The following ERG variants were observed in gnomAD, a reference collection of about 807,000 sequenced individuals.
The protein encoded by ERG is transcriptional regulator ERG.
ERG carries 9 observed loss-of-function variants against 55.3 expected under a neutral mutation model. The ratio of observed to expected loss-of-function variants is 0.16; its 90% CI spans 0.10 to 0.28. ERG has a LOEUF of 0.28. ERG is among the 10% of genes least tolerant of loss of function. ERG has a pLI of 1.00. For missense variants in ERG, 434 were observed against 631.6 expected (o/e 0.69, Z 3.35); for synonymous variants, 223 against 237.3 (o/e 0.94, Z 0.55).
intron 1 of ERG, among the ~76,000 whole-genome samples, chr21:38,459,029 T>A (rs959003264): frequency 6.6e-6 from 1 of 152,166 alleles, no homozygotes; most frequent in African/African-American, 2.4e-5. Flanking sequence ...GGTTGACAAT[T>A]CCATCCCCCA....
At chr21:38,616,648 A>C (rs1470934100) in intron 1 of ERG, among the ~76,000 whole-genome samples, 1 of 151,978 alleles carries the variant, frequency 6.6e-6, no homozygotes, top group Non-Finnish European at 1.5e-5. Context: ...ATTGGATTGG[A>C]TTGGACAAGG....
chr21:38,606,593 A>T (rs2146920742), intron 1 of ERG, among the ~76,000 whole-genome samples: 1 of 152,328 alleles, frequency 6.6e-6, no homozygotes, highest in Non-Finnish European at 1.5e-5. Context: ...AGATCAAACA[A>T]AAGCATCTAT....
intron 2 of ERG, among the ~76,000 whole-genome samples, chr21:38,537,808 C>T (rs192094686): frequency 2.6e-3 from 390 of 152,232 alleles, no homozygotes; most frequent in Non-Finnish European, 3.6e-3. Flanking sequence ...TCACCAATTC[C>T]GCATGAAGAT....
intron 1 of ERG, among the ~76,000 whole-genome samples, chr21:38,659,099 A>G (rs1162241734): frequency 3.9e-5 from 6 of 152,230 alleles, no homozygotes; most frequent in Admixed American, 2.0e-4. Flanking sequence ...ATTCCTTAAC[A>G]AATATCTTGA....
chr21:38,414,563 A>G (rs1320195256), intron 3 of ERG, among the ~76,000 whole-genome samples: 9 of 152,204 alleles, frequency 5.9e-5, no homozygotes. Flanking sequence ...ATATTGCTAT[A>G]TTTAATCCAT....
chr21:38,550,207 C>T (rs1000984368), intron 2 of ERG, among the ~76,000 whole-genome samples: 1 of 152,112 alleles, frequency 6.6e-6, no homozygotes, highest in Non-Finnish European at 1.5e-5. Flanking sequence ...CCTCCTGGGA[C>T]AGGTAACAGG....
chr21:38,636,893 A>G (rs1397263546), intron 1 of ERG, among the ~76,000 whole-genome samples: 1 of 152,208 alleles, frequency 6.6e-6, no homozygotes, highest in African/African-American at 2.4e-5. Flanking sequence ...TAGGTAATAC[A>G]ACAAACTGTC....
At chr21:38,425,467 A>C (rs571280428) in intron 2 of ERG, among the ~76,000 whole-genome samples, 1 of 152,322 alleles carries the variant, frequency 6.6e-6, no homozygotes, top group African/African-American at 2.4e-5. Flanking sequence ...GCTTAAGCAG[A>C]AAACAGAAAA....
At chr21:38,479,772 G>A (rs1204433521) in intron 1 of ERG, among the ~76,000 whole-genome samples, 2 of 152,148 alleles carry the variant, frequency 1.3e-5, no homozygotes, top group African/African-American at 2.4e-5. Context: ...ATCCACTGTG[G>A]TCATCAGTTT....
At chr21:38,606,428 A>G (rs1206145670) in intron 1 of ERG, among the ~76,000 whole-genome samples, 2 of 152,216 alleles carry the variant, frequency 1.3e-5, no homozygotes, top group Admixed American at 6.5e-5. Flanking sequence ...CTTACATTAT[A>G]GAGAATTCAC....
At chr21:38,510,157 A>C (rs986584900) in intron 2 of ERG, among the ~76,000 whole-genome samples, 1 of 152,246 alleles carries the variant, frequency 6.6e-6, no homozygotes, top group Non-Finnish European at 1.5e-5. Context: ...CTCCCCAAAC[A>C]TCTAAAAAGC....
At position 38,383,988 on chromosome 21, in the gene ERG, T is replaced by C. The variant is rs139826205; in HGVS notation, c.920-65A>G. On this transcript the variant is annotated intron_variant, in intron 9 of 9. Coordinates refer to ENST00000288319, the MANE Select transcript of ERG (RefSeq NM_182918.4). This position sits in a 1 kb window ranked among gnomAD's most constrained non-coding sequence, Gnocchi z 5.7. ...CAGGTTCCAGGGGAAAGAGGCTCTC[T>C]GTGATGACGGAAGGAGGTGCTATTG... 1,048 of 1,543,178 alleles carry C rather than the reference T, an allele frequency of 6.8e-4. 2 individuals are homozygous for C. Among genetic ancestry groups the C allele is most frequent in the South Asian group, 8.3e-4 (67 of 80,756 alleles).
chr21:38,468,982 CAAAAAAAAAAAAAAAAA>C lies in ERG; in HGVS notation c.19-23378_19-23362del, dbSNP rs1261630693. Among the ~76,000 whole-genome samples, 3 of 29,044 alleles carry C rather than the reference CAAAAAAAAAAAAAAAAA, an allele frequency of 1.0e-4. No homozygotes were observed. In the South Asian group the frequency reaches 4.6e-3, roughly 44 times the overall value. The allele number at this position is 29,044 out of a possible 152,430, so 19.1% of individuals were successfully genotyped here. On this transcript the variant is annotated intron_variant, in intron 1 of 9. Coordinates refer to ENST00000288319, the MANE Select transcript of ERG (RefSeq NM_182918.4). ...CCTGGGAGACAGCCAGACTCTGTCT[CAAAAAAAAAAAAAAAAA>C]AAGAAAAAAAAAAAAGAAAATGTGG...
At chr21:38,399,559 A>G (rs1278225204) in intron 6 of ERG, among the ~76,000 whole-genome samples, 1 of 152,200 alleles carries the variant, frequency 6.6e-6, no homozygotes, top group African/African-American at 2.4e-5. Flanking sequence ...AATGATACCT[A>G]GCTTATCGGG....
chr21:38,597,997 G>T (rs892712488), intron 1 of ERG, among the ~76,000 whole-genome samples: 1 of 152,180 alleles, frequency 6.6e-6, no homozygotes, highest in African/African-American at 2.4e-5. Context: ...GACAGCATTA[G>T]GTGCTCAGGT....
chr21:38,616,123 C>A (rs1297262056), intron 1 of ERG, among the ~76,000 whole-genome samples: 1 of 152,112 alleles, frequency 6.6e-6, no homozygotes, highest in African/African-American at 2.4e-5. Context: ...ATATGTTTGA[C>A]AGTTCCTCCT....
Position 38,466,300 on chromosome 21 carries a change from G to GGTGTGTGGGT in ERG, c.19-20680_19-20679insACCCACACAC, listed in dbSNP as rs1555903684. Among the ~76,000 whole-genome samples, 1,320 of 140,672 alleles carry GGTGTGTGGGT rather than the reference G, an allele frequency of 9.4e-3. 8 individuals are homozygous for GGTGTGTGGGT. The highest frequency in any genetic ancestry group is 0.088 in the Middle Eastern group (24 of 272). 92.3% of individuals were successfully genotyped at this position (140,672 alleles called of 152,430 possible). ...CAGTTTAGGCTGTCTGATGGTCTGG[G>GGTGTGTGGGT]GTGTGTGTGTGTGTGTGTGTGTGTG... On this transcript the variant is annotated intron_variant, in intron 1 of 9. Transcript: ENST00000288319.
At chr21:38,637,756 G>A (rs1224213381) in intron 1 of ERG, among the ~76,000 whole-genome samples, 1 of 152,050 alleles carries the variant, frequency 6.6e-6, no homozygotes, top group Non-Finnish European at 1.5e-5. Context: ...TTAGTCTTGT[G>A]ATCCATGTCT....
intron 1 of ERG, among the ~76,000 whole-genome samples, chr21:38,648,180 G>A (rs766064416): frequency 3.3e-5 from 5 of 151,896 alleles, no homozygotes; most frequent in Non-Finnish European, 7.4e-5. Context: ...ATTTAATCTC[G>A]CTTCCTTTGC....
Sources: gnomAD v4.1 joint callset for allele counts (sites outside exome capture counted in the v4.1 genomes callset) on GRCh38, gnomAD v4.1.1 for gene constraint, Gnocchi (gnomAD v3.1) non-coding constraint, MANE v1.5 for transcripts, NCBI Gene and HGNC (gene_info 2026-07-23, HGNC 2026-07-21) for gene names.